MYO9A: variants seen among roughly 807,000 people sequenced by gnomAD.
MYO9A encodes the protein myosin IXA.
A neutral mutation model predicts 293.3 loss-of-function variants in MYO9A; 103 were observed. That is an observed-to-expected ratio of 0.35 (90% CI 0.30 to 0.41). The LOEUF (loss-of-function observed/expected upper bound fraction) is 0.41, where lower values mean the gene tolerates loss of function less well. Ranked by LOEUF, MYO9A falls within the 10% of genes least tolerant of loss-of-function variation. The pLI is 1.00. For synonymous variants in MYO9A, 1,001 were observed against 1,035.7 expected (o/e 0.97, Z 0.64); for missense variants, 2,685 against 3,033.0 (o/e 0.89, Z 2.69).
chr15:72,057,849 T>C (rs758494097), intron 1 of MYO9A, among the ~76,000 whole-genome samples: 7 of 152,184 alleles, frequency 4.6e-5, no homozygotes, highest in Non-Finnish European at 8.8e-5. Flanking sequence ...ACCACTGAAA[T>C]TCCTTGTTAA....
chr15:71,951,791 T>C lies in MYO9A; in HGVS notation c.2288A>G (p.Lys763Arg), dbSNP rs745646441. ...QRSLEILQRC[K>R]EEKYSITRKN... is the part of the protein sequence containing the mutation. ...TGTAGCCTTACTGTACTTCTCTTCC[T>C]TGCATCTCTGCAGAATCTCTAAGCT... The change falls in exon 15 of 42, where the codon AAG becomes AGG. Residue 763 changes from lysine (K) to arginine (R), a missense_variant. Around this residue, in one of 10 missense-constraint regions of MYO9A, gnomAD observed 1,434 missense variants for 1,497.7 expected, o/e 0.96. Coordinates refer to ENST00000356056, the MANE Select transcript of MYO9A (RefSeq NM_006901.4). 1 of 1,613,920 alleles carries C rather than the reference T, an allele frequency of 6.2e-7. No homozygotes were observed. The highest frequency in any genetic ancestry group is 8.5e-7 in the Non-Finnish European group (1 of 1,179,918).
chr15:71,995,614 T>C (rs1400845452), intron 9 of MYO9A, among the ~76,000 whole-genome samples: 3 of 152,070 alleles, frequency 2.0e-5, no homozygotes, highest in African/African-American at 7.2e-5. Context: ...AACTGAGTCT[T>C]AGCACTTAGA....
chr15:72,050,404 C>T (rs1442556657), intron 1 of MYO9A, among the ~76,000 whole-genome samples: 1 of 152,066 alleles, frequency 6.6e-6, no homozygotes, highest in African/African-American at 2.4e-5. Context: ...GTCAGGAGAT[C>T]AGGACCATCC....
intron 2 of MYO9A, among the ~76,000 whole-genome samples, chr15:72,039,659 T>C (rs1207609656): frequency 6.6e-6 from 1 of 151,854 alleles, no homozygotes; most frequent in African/African-American, 2.4e-5. Context: ...AGAAACCCCA[T>C]CTCTACTAAA....
At chr15:72,058,770 T>C (rs1231409840) in intron 1 of MYO9A, among the ~76,000 whole-genome samples, 1 of 152,190 alleles carries the variant, frequency 6.6e-6, no homozygotes, top group Non-Finnish European at 1.5e-5. Flanking sequence ...CTTATGATGT[T>C]ATTCACTGGA....
chr15:71,897,953 C>T lies in MYO9A; in HGVS notation c.4550G>A (p.Arg1517His), dbSNP rs149046541. The T allele has an allele frequency of 1.1e-3, 1,828 of 1,614,100 alleles. 3 individuals are homozygous for T. The highest frequency in any genetic ancestry group is 1.3e-3 in the Non-Finnish European group (1,568 of 1,180,024). ...QNEKEMMEQI[R>H]QQTDILEKER... Reference sequence around the variant, plus strand: ...CTTCTCTAAAATATCTGTTTGCTGGCGAATCTGTTCCATCATCTCTTTTTC... The same window carrying T: ...CTTCTCTAAAATATCTGTTTGCTGGTGAATCTGTTCCATCATCTCTTTTTC... The change falls in exon 25 of 42, where the codon CGC (arginine) becomes CAC (histidine). Residue 1517 changes from arginine to histidine, a missense_variant. By Grantham distance (29) the Arg-to-His change is conservative. Coordinates refer to ENST00000356056, the MANE Select transcript of MYO9A (RefSeq NM_006901.4).
At position 71,890,987 on chromosome 15, in the gene MYO9A, A is replaced by C. The variant is rs770013064; in HGVS notation, c.5142+2692T>G. ...GACACAATACATCTTCATCTTCACAATATCAGATAATGTTAGAACGTGGAA... is the reference window on the plus strand; with the variant it reads ...GACACAATACATCTTCATCTTCACACTATCAGATAATGTTAGAACGTGGAA... On this transcript the variant is annotated intron_variant, in intron 26 of 41. Transcript: ENST00000356056. The C allele has an allele frequency of 2.6e-5, 4 of 152,348 alleles. No homozygotes were observed. In the East Asian group the frequency reaches 7.7e-4, roughly 29 times the overall value. The allele number at this position is 152,348 out of a possible 1,614,324, so 9.4% of individuals were successfully genotyped here.
Position 71,888,029 on chromosome 15 carries a change from G to A in MYO9A, c.5230C>T (p.Gln1744Ter). Residue 1744 changes from glutamine (Q) to a stop codon, truncating the protein, a stop_gained, in exon 27 of 42, where the codon CAG becomes TAG. Coordinates refer to ENST00000356056, the MANE Select transcript of MYO9A (RefSeq NM_006901.4). LOFTEE classifies it high-confidence loss of function. ...QGEITKLAVRQKASDSDIRPQ... is the reference protein window; with the variant it reads ...QGEITKLAVR ...CTTATATCTGAATCTGAAGCCTTCT[G>A]TCTCACTGCCAACTTGGTAATCTCT... The A allele has an allele frequency of 6.2e-7, 1 of 1,605,996 alleles. No homozygotes were observed. Among genetic ancestry groups the A allele is most frequent in the Middle Eastern group, 1.7e-4 (1 of 6,022 alleles).
At chr15:72,022,351 C>A (rs2077526065) in intron 4 of MYO9A, among the ~76,000 whole-genome samples, 1 of 152,004 alleles carries the variant, frequency 6.6e-6, no homozygotes, top group Non-Finnish European at 1.5e-5. Flanking sequence ...GAAACCCCGT[C>A]TCTACTAAAA....
At chr15:72,082,164 A>T (rs1047413540) in intron 1 of MYO9A, among the ~76,000 whole-genome samples, 124 of 152,072 alleles carry the variant, frequency 8.2e-4, no homozygotes, top group African/African-American at 2.9e-3. Context: ...ATGAATGTGG[A>T]ATGTTTTTCT....
At chr15:71,907,732 T>A (rs1174476982) in intron 19 of MYO9A, among the ~76,000 whole-genome samples, 1 of 151,932 alleles carries the variant, frequency 6.6e-6, no homozygotes, top group Non-Finnish European at 1.5e-5. Flanking sequence ...TTTGGCTGCA[T>A]AAATGTCTTC....
intron 19 of MYO9A, among the ~76,000 whole-genome samples, chr15:71,909,706 T>C (rs2057775398): frequency 6.6e-6 from 1 of 152,246 alleles, no homozygotes; most frequent in Admixed American, 6.5e-5. Context: ...TAAGAGTCGA[T>C]ATTTCACAAG....
rs545911750 is a variant in MYO9A at position 72,023,544 on chromosome 15, A to T, written c.999-2527T>A. On this transcript the variant is annotated intron_variant, in intron 4 of 41. Coordinates refer to ENST00000356056, the MANE Select transcript of MYO9A (RefSeq NM_006901.4). ...CCCGTCTCTACTAAAATTACAAAAA[A>T]AATAGCTGGGCATGGTGGCAGGCAC... Among the ~76,000 whole-genome samples the T allele has an allele frequency of 2.9e-3, 437 of 152,140 alleles. 3 individuals carry two copies. The highest frequency in any genetic ancestry group is 0.01 in the African/African-American group (432 of 41,512).
chr15:72,113,175 A>T (rs1045084343), intron 1 of MYO9A, among the ~76,000 whole-genome samples: 1 of 152,244 alleles, frequency 6.6e-6, no homozygotes, highest in Non-Finnish European at 1.5e-5. Context: ...AAAACAGACA[A>T]GTAATTAAGC....
chr15:71,881,569 A>C (rs2056874106), intron 28 of MYO9A, among the ~76,000 whole-genome samples: 2 of 152,196 alleles, frequency 1.3e-5, no homozygotes, highest in Non-Finnish European at 1.5e-5. Flanking sequence ...TAGATATATT[A>C]AGTATCTATT....
At chr15:72,020,753 T>A (rs2077480154) in intron 5 of MYO9A, among the ~76,000 whole-genome samples, 165 bp downstream of exon 5, 1 of 152,152 alleles carries the variant, frequency 6.6e-6, no homozygotes, top group Non-Finnish European at 1.5e-5. Context: ...AGGATGGTAA[T>A]CATCCTCAAA....
intron 1 of MYO9A, among the ~76,000 whole-genome samples, chr15:72,100,612 G>A (rs1030874757): frequency 3.4e-5 from 5 of 148,926 alleles, no homozygotes; most frequent in African/African-American, 7.5e-5. Flanking sequence ...CTGCCCCGCC[G>A]CCCCGTCTGG....
chr15:72,028,236 T>TATATATATATAA (rs1217244974), intron 3 of MYO9A, among the ~76,000 whole-genome samples: 1 of 145,436 alleles, frequency 6.9e-6, no homozygotes, highest in Non-Finnish European at 1.5e-5. Flanking sequence ...TATATATATA[T>TATATATATATAA]ATAAATATAT....
chr15:71,852,245 T>C lies in MYO9A; in HGVS notation c.6362A>G (p.Asn2121Ser). The change falls in exon 36 of 42, where the codon AAT (asparagine) becomes AGT (serine). Residue 2121 changes from asparagine (N) to serine (S), a missense_variant. Around this residue, in one of 10 missense-constraint regions of MYO9A, gnomAD observed 238 missense variants for 269.1 expected, o/e 0.88. Transcript: ENST00000356056. ...GACGTGTATGTTATAGTCATCTAGATTTACACTCTCAGCATCTATTTAGAG... is the reference window on the plus strand; with the variant it reads ...GACGTGTATGTTATAGTCATCTAGACTTACACTCTCAGCATCTATTTAGAG... The part of the protein sequence containing the change: ...QGLDTDAESV[N>S]LDDYNIHVIA... 1 of 1,611,128 alleles carries C rather than the reference T, an allele frequency of 6.2e-7. No homozygotes were observed. The highest frequency in any genetic ancestry group is 8.5e-7 in the Non-Finnish European group (1 of 1,177,976).
Sources: allele counts gnomAD v4.1 joint callset (sites outside exome capture counted in the v4.1 genomes callset), GRCh38; gene constraint gnomAD v4.1.1; regional missense constraint gnomAD v4.1.1; transcripts MANE v1.5; gene names NCBI Gene and HGNC (gene_info 2026-07-23, HGNC 2026-07-21).